Variants in HCFC1 observed in about 807,000 individuals in gnomAD.
HCFC1 encodes the protein host cell factor 1.
A neutral mutation model predicts 105.5 loss-of-function variants in HCFC1; 7 were observed. The observed-to-expected ratio is 0.07, with a 90% CI of 0.04 to 0.12. The LOEUF (loss-of-function observed/expected upper bound fraction) is 0.12. HCFC1 is among the 10% of genes least tolerant of loss of function. The pLI is 1.00. For missense variants in HCFC1, 1,065 were observed against 1,823.6 expected, an observed-to-expected ratio of 0.58 and a Z score of 7.58; for synonymous variants, 918 against 828.1, an observed-to-expected ratio of 1.11 and a Z score of -1.86.
intron 20 of HCFC1, 36 bp from the exon 21 acceptor site, chrX:153,951,743 G>A: frequency 8.4e-7 from 1 of 1,183,729 alleles, no homozygotes; most frequent in Non-Finnish European, 1.1e-6. Context: ...GAAAGACTCG[G>A]GAAACCTGGC....
chrX:153,962,340 G>A, intron 4 of HCFC1, 34 bp from the exon 5 acceptor site: 3 of 1,034,743 alleles, frequency 2.9e-6, no homozygotes, highest in South Asian at 3.8e-5. Context: ...GGTTACACAA[G>A]GTAGACTGCA....
intron 22 of HCFC1, 138 bp from the exon 23 acceptor site, chrX:153,951,136 G>T: frequency 1.4e-6 from 1 of 700,881 alleles, no homozygotes; most frequent in Non-Finnish European, 2.2e-6. Context: ...GGCAAGGAGG[G>T]ACGTGGCGAG....
In HCFC1 at chrX:153,949,303, G is replaced by A; in HGVS notation, c.*44C>T. On this transcript the variant is annotated 3_prime_UTR_variant, in exon 26 of 26. Coordinates refer to ENST00000310441, the MANE Select transcript of HCFC1 (RefSeq NM_005334.3). Reference sequence around the variant, plus strand: ...GTGGGCCCTGGCGGGTGTTCCTGAAGCAGGGGGGTCTGGAGAAGAATCCAG... The same window carrying A: ...GTGGGCCCTGGCGGGTGTTCCTGAAACAGGGGGGTCTGGAGAAGAATCCAG... 3 of 1,146,124 alleles carry A rather than the reference G, an allele frequency of 2.6e-6. No homozygotes were observed. Among genetic ancestry groups the A allele is most frequent in the Non-Finnish European group, 3.6e-6 (3 of 840,142 alleles). 94.5% of individuals were successfully genotyped at this position (1,146,124 alleles called of 1,213,427 possible).
In HCFC1 at chrX:153,958,091, C is replaced by T. The variant is rs1202747320; in HGVS notation, c.1962G>A (p.Val654=). 1.7e-6 allele frequency: 2 copies of T among 1,212,089 alleles called. No homozygotes were observed. Among genetic ancestry groups the T allele is most frequent in the East Asian group, 3.0e-5 (1 of 33,850 alleles). The change falls in exon 11 of 26, where the codon GTG becomes GTA. Residue 654 remains valine (V), a synonymous_variant. Coordinates refer to ENST00000310441, the MANE Select transcript of HCFC1 (RefSeq NM_005334.3). ...AQQAQVVTTV[V]GGVTKTITLV... Reference sequence around the variant, plus strand: ...GGGTGATGGTCTTGGTGACCCCGCCCACAACTGTGGTCACCACCTGGGCTT... The same window carrying T: ...GGGTGATGGTCTTGGTGACCCCGCCTACAACTGTGGTCACCACCTGGGCTT...
chrX:153,964,321 G>C, intron 2 of HCFC1, 37 bp from the exon 3 acceptor site: 1 of 1,130,011 alleles, frequency 8.8e-7, no homozygotes, highest in Non-Finnish European at 1.2e-6. Flanking sequence ...ACCGTGGGAT[G>C]AGAAGGCCAC....
chrX:153,957,880 T>G lies in HCFC1; in HGVS notation c.2035A>C (p.Asn679His). The G allele has an allele frequency of 8.3e-7, 1 of 1,203,516 alleles. No homozygotes were observed. Among genetic ancestry groups the G allele is most frequent in the Non-Finnish European group, 1.1e-6 (1 of 888,842 alleles). ...ACCACCGACATCACTTTGCCCAGAT[T>G]GGAAATCTAAAAAGGAAGGGATGGA... Reference protein sequence around the residue: ...SVPGGSALISNLGKVMSVVQT... With the variant: ...SVPGGSALISHLGKVMSVVQT... The change falls in exon 12 of 26, where the codon AAT (asparagine) becomes CAT (histidine). Residue 679 changes from asparagine (N) to histidine (H), a missense_variant. Asn to His is a moderately conservative substitution (Grantham distance 68). Transcript: ENST00000310441.
In HCFC1 at chrX:153,971,087, T is replaced by C. The variant is rs1393034643; in HGVS notation, c.-247A>G. 4 of 355,063 alleles carry C rather than the reference T, an allele frequency of 1.1e-5. No individual in the cohort carries two copies. Among genetic ancestry groups the C allele is most frequent in the Non-Finnish European group, 1.9e-5 (4 of 209,163 alleles). The allele number at this position is 355,063 out of a possible 1,213,427, so 29.3% of individuals were successfully genotyped here. On this transcript the variant is annotated 5_prime_UTR_variant, in exon 1 of 26. Coordinates refer to ENST00000310441, the MANE Select transcript of HCFC1 (RefSeq NM_005334.3). ...TGTCGAGCGCCTAGGCTCAAGAAGC[T>C]GGAGGCCGCTGAGTCCCGTCGCCCC...
intron 24 of HCFC1, 94 bp downstream of exon 24, chrX:153,950,149 A>G: frequency 1.1e-6 from 1 of 933,432 alleles, no homozygotes; most frequent in Non-Finnish European, 1.5e-6. Context: ...GACGCCGCAC[A>G]TGGGAAAAAA....
chrX:153,959,228 C>T (rs1016383572), intron 9 of HCFC1, 103 bp downstream of exon 9: 17 of 859,825 alleles, frequency 2.0e-5, no homozygotes, highest in Non-Finnish European at 2.6e-5. Context: ...GTGTGGGGTG[C>T]GTGGTACCAG....
intron 1 of HCFC1, chrX:153,970,104 C>A (rs781961054): frequency 2.8e-5 from 3 of 106,356 alleles, no homozygotes; most frequent in South Asian, 4.5e-4. Context: ...TAGAAATGGT[C>A]ATTTCTCCAG....
intron 1 of HCFC1, among the ~76,000 whole-genome samples, chrX:153,968,850 C>T (rs1221420350): frequency 8.9e-6 from 1 of 112,173 alleles, no homozygotes; most frequent in Non-Finnish European, 1.9e-5. Flanking sequence ...CTCATGGTGA[C>T]GGTGCCTCTA....
intron 16 of HCFC1, 125 bp from the exon 17 acceptor site, chrX:153,955,667 G>T (rs367879808): frequency 1.5e-6 from 1 of 679,788 alleles, no homozygotes; most frequent in South Asian, 3.1e-5. Context: ...CCTGGCAGAC[G>T]TAAGACCCAC....
chrX:153,964,385 G>A lies in HCFC1; in HGVS notation c.343-101C>T, dbSNP rs970505135. 13 of 936,964 alleles carry A rather than the reference G, an allele frequency of 1.4e-5. No homozygotes were observed. The African/African-American group carries it at 1.8e-4, about 13-fold the overall frequency. 77.2% of individuals were successfully genotyped at this position (936,964 alleles called of 1,213,427 possible). ...GAGGAGGAAATGGCCGGGGGTGAGC[G>A]AGGTGCCTTGCTGGAGCAAGAAGGT... On this transcript the variant is annotated intron_variant, in intron 2 of 25. Transcript: ENST00000310441.
At chrX:153,956,820 G>A (rs942505505) in intron 14 of HCFC1, 57 bp from the exon 15 acceptor site, 33 of 1,203,229 alleles carry the variant, frequency 2.7e-5, no homozygotes, top group Non-Finnish European at 3.5e-5. Flanking sequence ...AGATGCCACC[G>A]ATGCTGCCCC....
In HCFC1 at chrX:153,956,088, G is replaced by C. The variant is rs1353291271; in HGVS notation, c.2856+103C>G. The stretch of plus-strand genomic sequence containing the variant: ...TGCCATGGCTGCACCCGGCAGCAGC[G>C]CAACACCAGGAAGGAAAGGCCTGTG... On this transcript the variant is annotated intron_variant, in intron 16 of 25. Transcript: ENST00000310441. The C allele has an allele frequency of 5.2e-6, 4 of 769,444 alleles. No homozygotes were observed. In the African/African-American group the frequency reaches 8.3e-5, roughly 16 times the overall value. The allele number at this position is 769,444 out of a possible 1,213,427, so 63.4% of individuals were successfully genotyped here. A position where few individuals can be genotyped will look rare whatever the true frequency, so the allele number is the denominator to read the frequency against.
rs2065527048 is a variant in HCFC1 at position 153,970,946 on chromosome X, G to A, written c.-106C>T. 1.5e-5 allele frequency: 10 copies of A among 670,465 alleles called. No individual in the cohort carries two copies. In the East Asian group the frequency reaches 2.3e-4, roughly 15 times the overall value. 55.3% of individuals were successfully genotyped at this position (670,465 alleles called of 1,213,427 possible). ...TCTAAGGCAGCTCTCACGGAGAAGCGGTTTCTCACACAGCGGTAGACGACT... is the reference window on the plus strand; with the variant it reads ...TCTAAGGCAGCTCTCACGGAGAAGCAGTTTCTCACACAGCGGTAGACGACT... On this transcript the variant is annotated 5_prime_UTR_variant, in exon 1 of 26. Transcript: ENST00000310441.
At chrX:153,953,146 G>A in intron 18 of HCFC1, 188 bp from the exon 19 acceptor site, 1 of 471,555 alleles carries the variant, frequency 2.1e-6, no homozygotes, top group South Asian at 3.0e-5. Context: ...GAGCCAGGCA[G>A]CAGGGCTGAG....
At position 153,954,299 on chromosome X, in the gene HCFC1, GTGC is replaced by G. The variant is rs782203779; in HGVS notation, c.4097_4099del (p.Gly1366_Thr1367delinsAla). 1.7e-6 allele frequency: 2 copies of G among 1,200,095 alleles called. No homozygotes were observed. The highest frequency in any genetic ancestry group is 3.6e-5 in the South Asian group (2 of 55,343). On this transcript the variant is annotated inframe_deletion, in exon 17 of 26. Transcript: ENST00000310441. ...GGCACCCACGCTGACCGACATGGTG[GTGC>G]CAGTGGAAGTGGTCTGGTGTGTCTC...
intron 1 of HCFC1, 108 bp from the exon 2 acceptor site, chrX:153,964,834 A>T (rs1447844481): frequency 8.3e-6 from 7 of 839,674 alleles, no homozygotes; most frequent in Non-Finnish European, 1.1e-5. Context: ...AGCCAGCACC[A>T]TCCCTGCGGG....
Sources: allele counts gnomAD v4.1 joint callset (sites outside exome capture counted in the v4.1 genomes callset), GRCh38; gene constraint gnomAD v4.1.1; transcripts MANE v1.5; gene names NCBI Gene and HGNC (gene_info 2026-07-23, HGNC 2026-07-21).